Variants in NEBL observed in about 807,000 individuals in gnomAD.
The protein encoded by NEBL is LIM and SH3 protein 2.
Under a neutral mutation model 140.2 loss-of-function variants are expected in NEBL, and 122 were observed. The ratio of observed to expected loss-of-function variants is 0.87; its 90% CI spans 0.75 to 1.01. The LOEUF is 1.01. NEBL is among the 50% of genes least tolerant of loss of function. The pLI is 0.00. For missense variants in NEBL, 1,365 were observed against 1,231.3 expected (o/e 1.11, Z -1.62); for synonymous variants, 436 against 398.9 (o/e 1.09, Z -1.11).
intron 3 of NEBL, among the ~76,000 whole-genome samples, chr10:21,181,764 A>G (rs997347152): frequency 6.6e-6 from 1 of 152,166 alleles, no homozygotes; most frequent in Non-Finnish European, 1.5e-5. Flanking sequence ...GCTGGCCGTG[A>G]CCACACGTGG....
At chr10:21,023,211 T>A (rs1838871093) in intron 2 of NEBL, among the ~76,000 whole-genome samples, 1 of 152,248 alleles carries the variant, frequency 6.6e-6, no homozygotes, top group Non-Finnish European at 1.5e-5. Flanking sequence ...TTTTCAGGTC[T>A]CTACAATGAT....
chr10:21,057,807 C>T (rs561592510), intron 2 of NEBL, among the ~76,000 whole-genome samples: 2 of 152,084 alleles, frequency 1.3e-5, no homozygotes, highest in Non-Finnish European at 2.9e-5. Flanking sequence ...GCCATCAGCC[C>T]GCCTTGGTCT....
At chr10:21,272,849 TG>T (rs746673683) in intron 1 of NEBL, among the ~76,000 whole-genome samples, 115 of 152,314 alleles carry the variant, frequency 7.6e-4, no homozygotes, top group Non-Finnish European at 1.4e-3. Context: ...GTGCATTTTT[TG>T]CTTTATTGAT....
chr10:20,852,076 G>A (rs1054930799), intron 10 of NEBL, among the ~76,000 whole-genome samples: 1 of 151,732 alleles, frequency 6.6e-6, no homozygotes, highest in East Asian at 1.9e-4. Context: ...TATTCAGGGG[G>A]TACCTAGAAT....
chr10:21,240,459 A>T (rs1366295676), intron 3 of NEBL, among the ~76,000 whole-genome samples: 1 of 152,150 alleles, frequency 6.6e-6, no homozygotes, highest in African/African-American at 2.4e-5. Context: ...CCTGGCCAAC[A>T]TGGTGAAACC....
chr10:21,178,705 T>C (rs1249400138), upstream of NEBL, among the ~76,000 whole-genome samples: 2 of 152,250 alleles, frequency 1.3e-5, no homozygotes, highest in Non-Finnish European at 2.9e-5. Flanking sequence ...CAAATAATGA[T>C]GAAACATTCC....
At chr10:21,146,485 G>T (rs1334119373) in intron 2 of NEBL, 3 of 1,613,064 alleles carry the variant, frequency 1.9e-6, no homozygotes, top group Non-Finnish European at 2.5e-6. Context: ...CCATAGAGTA[G>T]ATTCTTCTTT....
intron 2 of NEBL, among the ~76,000 whole-genome samples, chr10:21,147,149 G>A (rs900771607): frequency 9.9e-5 from 15 of 152,114 alleles, no homozygotes; most frequent in African/African-American, 3.6e-4. Flanking sequence ...AAATGGAGAT[G>A]CGTTTAGGAC....
In NEBL at chr10:21,231,822, G is replaced by A. The variant is rs569200684; in HGVS notation, n.348+16099C>T. ...ATGAAAACTAAAAATAAAATTCTAC[G>A]CCCTCCAACCATGGAACAGACCCCC... On this transcript the variant is annotated intron_variant and non_coding_transcript_variant, in intron 3 of 8. Coordinates refer to the NEBL transcript ENST00000675702. 1.2e-4 allele frequency among the ~76,000 whole-genome samples: 18 copies of A among 152,056 alleles called. 1 individual carries two copies. The highest frequency in any genetic ancestry group is 7.2e-4 in the Admixed American group (11 of 15,264).
In NEBL at chr10:20,840,794, T is replaced by A. The variant is rs970898573; in HGVS notation, c.1283A>T (p.Asn428Ile). 1 of 1,611,698 alleles carries A rather than the reference T, an allele frequency of 6.2e-7. No homozygotes were observed. The highest frequency in any genetic ancestry group is 8.5e-7 in the Non-Finnish European group (1 of 1,178,486). ...TCTTTGGATATCAAGAACTTCTGAA[T>A]TAAGTTCCATTCCTTTCCCTTTTAT... is the stretch of plus-strand genomic sequence containing the variant. Reference protein sequence around the residue: ...NEIKGKGMELNSEVLDIQRAK... With the variant: ...NEIKGKGMELISEVLDIQRAK... Residue 428 changes from asparagine to isoleucine, a missense_variant, in exon 13 of 28, where the codon AAT (asparagine) becomes ATT (isoleucine). Coordinates refer to ENST00000377122, the MANE Select transcript of NEBL (RefSeq NM_006393.3).
chr10:20,806,165 C>T (rs1393536595), intron 26 of NEBL, among the ~76,000 whole-genome samples: 1 of 152,088 alleles, frequency 6.6e-6, no homozygotes, highest in Non-Finnish European at 1.5e-5. Context: ...CTAACAGCAG[C>T]AGGTTTTTAC....
chr10:20,831,336 T>C (rs758745918), intron 15 of NEBL, 30 bp from the exon 16 acceptor site: 1 of 1,567,404 alleles, frequency 6.4e-7, no homozygotes, highest in Non-Finnish European at 8.8e-7. Flanking sequence ...TCTTAGAGCT[T>C]TGCTTAAGCT....
intron 2 of NEBL, among the ~76,000 whole-genome samples, chr10:20,894,198 G>A (rs745426025): frequency 3.3e-5 from 5 of 152,200 alleles, no homozygotes; most frequent in Non-Finnish European, 7.3e-5. Flanking sequence ...GGGCCAGCCC[G>A]GTGGCTCACA....
intron 3 of NEBL, among the ~76,000 whole-genome samples, chr10:21,181,413 CAG>C (rs1056288848): frequency 6.2e-4 from 93 of 150,256 alleles, no homozygotes; most frequent in African/African-American, 2.2e-3. Flanking sequence ...TTAAAAAAAA[CAG>C]AGAGCTATCA....
chr10:20,998,255 T>C (rs1387070286), intron 3 of NEBL, among the ~76,000 whole-genome samples: 1 of 152,170 alleles, frequency 6.6e-6, no homozygotes, highest in Non-Finnish European at 1.5e-5. Context: ...AGTAGCCGTG[T>C]GGCCTCAGGC....
rs930980347 is a variant in NEBL at position 20,840,260 on chromosome 10, TCA to T, written c.1338+477_1338+478del. 9.1e-4 allele frequency among the ~76,000 whole-genome samples: 138 copies of T among 152,196 alleles called. 2 individuals carry two copies. The highest frequency in any genetic ancestry group is 3.0e-3 in the African/African-American group (126 of 41,522). ...CAAGGATTACAGGACTGAAAACACT[TCA>T]GAGACATTTCAGTTCTCCTTATAAA... is the stretch of plus-strand genomic sequence containing the variant. On this transcript the variant is annotated intron_variant, in intron 13 of 27. Coordinates refer to ENST00000377122, the MANE Select transcript of NEBL (RefSeq NM_006393.3).
chr10:21,097,823 A>C (rs1837264035), intron 2 of NEBL, among the ~76,000 whole-genome samples: 1 of 152,202 alleles, frequency 6.6e-6, no homozygotes, highest in Non-Finnish European at 1.5e-5. Context: ...ATAAATGAAG[A>C]CATTGGACTT....
intron 14 of NEBL, among the ~76,000 whole-genome samples, chr10:20,834,737 T>C (rs73607523): frequency 0.012 from 1,842 of 152,338 alleles, 36 homozygotes; most frequent in African/African-American, 0.042. Flanking sequence ...ATACACTTTT[T>C]ATAAAATCAT....
chr10:21,105,436 G>A (rs1837669238), intron 2 of NEBL, among the ~76,000 whole-genome samples: 2 of 151,992 alleles, frequency 1.3e-5, no homozygotes, highest in African/African-American at 4.8e-5. Flanking sequence ...AACATGCGGT[G>A]TTTGGTTTTC....
Sources: gnomAD v4.1 joint callset for allele counts (sites outside exome capture counted in the v4.1 genomes callset) on GRCh38, gnomAD v4.1.1 for gene constraint, MANE v1.5 for transcripts, NCBI Gene and HGNC (gene_info 2026-07-23, HGNC 2026-07-21) for gene names.